Variants in ASXL3 observed in about 807,000 individuals in gnomAD.
The protein encoded by ASXL3 is putative Polycomb group protein ASXL3.
ASXL3 carries 34 observed loss-of-function variants against 170.6 expected under a neutral mutation model. The ratio of observed to expected loss-of-function variants is 0.20; its 90% CI spans 0.15 to 0.27. ASXL3 has a LOEUF of 0.27. Ranked by LOEUF, ASXL3 falls within the 10% of genes least tolerant of loss-of-function variation. The pLI, the probability that ASXL3 is intolerant of heterozygous loss-of-function variation, is 1.00. For missense variants in ASXL3, 2,592 were observed against 2,695.3 expected, an observed-to-expected ratio of 0.96 and a Z score of 0.85; for synonymous variants, 1,002 against 989.1, an observed-to-expected ratio of 1.01 and a Z score of -0.24.
intron 4 of ASXL3, among the ~76,000 whole-genome samples, chr18:33,658,976 G>A (rs2066128420): frequency 6.6e-6 from 1 of 152,028 alleles, no homozygotes; most frequent in African/African-American, 2.4e-5. Context: ...ATAAATAGAT[G>A]TCAATCACTA....
At chr18:33,666,188 T>C (rs1347763404) in intron 5 of ASXL3, among the ~76,000 whole-genome samples, 4 of 152,186 alleles carry the variant, frequency 2.6e-5, no homozygotes, top group Admixed American at 2.6e-4. Flanking sequence ...TTTCTGGATT[T>C]GAAATGACAG....
intron 2 of ASXL3, among the ~76,000 whole-genome samples, chr18:33,615,733 G>A (rs1202462491): frequency 1.3e-5 from 2 of 152,092 alleles, no homozygotes; most frequent in African/African-American, 2.4e-5. Context: ...TTTGATGATT[G>A]TTTGATTAAA....
chr18:33,613,226 TGTTA>T (rs2065364919), intron 2 of ASXL3, among the ~76,000 whole-genome samples: 2 of 152,078 alleles, frequency 1.3e-5, no homozygotes, highest in African/African-American at 4.8e-5. Context: ...TTCTGGGTAG[TGTTA>T]GTTTTATCTT....
chr18:33,668,111 CCACTGCATCA>C (rs2066286617), intron 5 of ASXL3, among the ~76,000 whole-genome samples: 1 of 152,166 alleles, frequency 6.6e-6, no homozygotes, highest in South Asian at 2.1e-4. Flanking sequence ...AACTCCTTAA[CCACTGCATCA>C]CACTGCCAAT....
rs981111461 is a variant in ASXL3, at chr18:33,597,061, C to T, written c.55-10533C>T. 5.3e-5 allele frequency among the ~76,000 whole-genome samples: 8 copies of T among 152,222 alleles called. No individual in the cohort carries two copies. The East Asian group carries it at 9.7e-4, about 18-fold the overall frequency. ...AACTCCTGAGCTCGAGCGATCTGCC[C>T]GCCTTGGCCTCCCAGTGTGCTAGGA... On this transcript the variant is annotated intron_variant, in intron 1 of 11. Transcript: ENST00000269197.
Position 33,749,315 on chromosome 18 carries a change from TGTA to T in ASXL3, c.*2724_*2726del, listed in dbSNP as rs754839715. 15 of 152,140 alleles carry T rather than the reference TGTA, an allele frequency of 9.9e-5. No homozygotes were observed. The highest frequency in any genetic ancestry group is 2.1e-4 in the Non-Finnish European group (14 of 68,022). The allele number at this position is 152,140 out of a possible 1,614,324, so 9.4% of individuals were successfully genotyped here. On this transcript the variant is annotated 3_prime_UTR_variant, in exon 12 of 12. Coordinates refer to ENST00000269197, the MANE Select transcript of ASXL3 (RefSeq NM_030632.3). ...TCTACATGTGTCTGCTATGTGCAAA[TGTA>T]GTATATTATTTACTACATGGTTATT... is the stretch of plus-strand genomic sequence containing the variant.
intron 4 of ASXL3, among the ~76,000 whole-genome samples, chr18:33,652,222 C>T (rs1185824256): frequency 4.0e-5 from 6 of 151,882 alleles, no homozygotes. Context: ...GAGTTGTTTT[C>T]TGAGCATAAT....
chr18:33,719,998 C>T (rs139340913), intron 8 of ASXL3, among the ~76,000 whole-genome samples: 55 of 152,028 alleles, frequency 3.6e-4, no homozygotes, highest in African/African-American at 1.3e-3. Context: ...TGTTAGTTAT[C>T]GTTTTTATGG....
chr18:33,583,513 T>G (rs999994607), intron 1 of ASXL3, among the ~76,000 whole-genome samples: 6 of 152,162 alleles, frequency 3.9e-5, no homozygotes, highest in Admixed American at 3.9e-4. Flanking sequence ...GTTTGAAAGA[T>G]AAAAAAGAGT....
intron 2 of ASXL3, chr18:33,614,571 T>G (rs1327248898): frequency 6.6e-6 from 1 of 152,196 alleles, no homozygotes; most frequent in Non-Finnish European, 1.5e-5. Context: ...GGGTGAACTC[T>G]TCTCTGAAGA....
Position 33,692,018 on chromosome 18 carries a change from C to A in ASXL3, c.879+8450C>A, listed in dbSNP as rs573584686. Among the ~76,000 whole-genome samples, 14 of 152,278 alleles carry A rather than the reference C, an allele frequency of 9.2e-5. No individual in the cohort carries two copies. In the East Asian group the frequency reaches 2.7e-3, roughly 29 times the overall value. ...CTAACCCAACTTTTTCCAAGTAAAA[C>A]CATGGGAGTGAGAATGGAAACACAG... On this transcript the variant is annotated intron_variant, in intron 8 of 11. Transcript: ENST00000269197.
At chr18:33,668,620 C>T (rs564037293) in intron 5 of ASXL3, among the ~76,000 whole-genome samples, 2 of 152,100 alleles carry the variant, frequency 1.3e-5, no homozygotes, top group African/African-American at 2.4e-5. Flanking sequence ...CTTCCTTTAT[C>T]CTTGCCTTGA....
At chr18:33,684,020 A>G (rs2066554120) in intron 8 of ASXL3, among the ~76,000 whole-genome samples, 1 of 152,208 alleles carries the variant, frequency 6.6e-6, no homozygotes, top group Admixed American at 6.5e-5. Context: ...CAGTATGAAT[A>G]TGATTGCCTA....
chr18:33,677,992 A>G, intron 7 of ASXL3, among the ~76,000 whole-genome samples: 1 of 152,194 alleles, frequency 6.6e-6, no homozygotes, highest in East Asian at 1.9e-4. Flanking sequence ...TGAGCTCAGG[A>G]AACCCTTCTG....
intron 1 of ASXL3, 155 bp downstream of exon 1, chr18:33,578,840 C>T (rs2064968959): frequency 2.7e-6 from 1 of 376,116 alleles, no homozygotes; most frequent in Non-Finnish European, 3.9e-6. Context: ...GTGGGCTCGC[C>T]CGGGGGCCCC....
chr18:33,727,608 A>G (rs2067372814), intron 8 of ASXL3, among the ~76,000 whole-genome samples: 2 of 152,174 alleles, frequency 1.3e-5, no homozygotes, highest in Admixed American at 6.5e-5. Context: ...TGAAATAGGA[A>G]CTATAACTTA....
At chr18:33,661,497 C>A in intron 4 of ASXL3, 119 bp from the exon 5 acceptor site, 1 of 855,952 alleles carries the variant, frequency 1.2e-6, no homozygotes, top group Non-Finnish European at 1.8e-6. Flanking sequence ...TTTTACTGTG[C>A]TATTTTGCTT....
intron 7 of ASXL3, among the ~76,000 whole-genome samples, chr18:33,672,428 A>G (rs188146006): frequency 3.3e-5 from 5 of 152,314 alleles, no homozygotes; most frequent in Admixed American, 2.0e-4. Flanking sequence ...TCTTCAACAT[A>G]CTTCTTTCCT....
At chr18:33,615,598 T>C (rs1027184656) in intron 2 of ASXL3, among the ~76,000 whole-genome samples, 13 of 152,252 alleles carry the variant, frequency 8.5e-5, no homozygotes, top group Admixed American at 7.2e-4. Flanking sequence ...TTGTAAAAAA[T>C]GCAATATCTG....
Sources: allele counts gnomAD v4.1 joint callset (sites outside exome capture counted in the v4.1 genomes callset), GRCh38; gene constraint gnomAD v4.1.1; transcripts MANE v1.5; gene names NCBI Gene and HGNC (gene_info 2026-07-23, HGNC 2026-07-21).